Variants in NRG1 observed in about 807,000 individuals in gnomAD.
NRG1 encodes the protein neuregulin 1.
Under a neutral mutation model 63.8 loss-of-function variants are expected in NRG1, and 18 were observed. That is an observed-to-expected ratio of 0.28 (90% CI 0.19 to 0.42). The LOEUF is 0.42. Among genes scored for constraint, NRG1 ranks in the 10% least tolerant of loss-of-function variants. The pLI is 1.00. For missense variants in NRG1, 762 were observed against 814.7 expected, an observed-to-expected ratio of 0.94 and a Z score of 0.79; for synonymous variants, 302 against 301.3, an observed-to-expected ratio of 1.00 and a Z score of -0.02.
chr8:32,629,531 C>A (rs1423895871), intron 5 of NRG1, among the ~76,000 whole-genome samples: 1 of 152,044 alleles, frequency 6.6e-6, no homozygotes, highest in African/African-American at 2.4e-5. Flanking sequence ...GAAAAGAAAA[C>A]CACCTTCACT....
intron 1 of NRG1, among the ~76,000 whole-genome samples, chr8:32,369,369 A>T (rs756536548): frequency 1.2e-4 from 18 of 152,230 alleles, no homozygotes; most frequent in Non-Finnish European, 2.5e-4. Context: ...TGTTTGCCCC[A>T]TGGCATTTCT....
chr8:31,713,097 A>G (rs1811968024), intron 1 of NRG1, among the ~76,000 whole-genome samples: 1 of 147,432 alleles, frequency 6.8e-6, no homozygotes, highest in Non-Finnish European at 1.5e-5. Flanking sequence ...ACTCACTGCC[A>G]TACTCCTTCT....
intron 1 of NRG1, among the ~76,000 whole-genome samples, chr8:32,390,658 T>C (rs1206397978): frequency 6.6e-6 from 1 of 151,404 alleles, no homozygotes; most frequent in Admixed American, 6.6e-5. Flanking sequence ...CCTGATATAT[T>C]TAGGTTGAGA....
chr8:32,285,665 T>A (rs1853433469), intron 1 of NRG1, among the ~76,000 whole-genome samples: 1 of 152,210 alleles, frequency 6.6e-6, no homozygotes, highest in African/African-American at 2.4e-5. Flanking sequence ...GGGTGCTGAT[T>A]TTTGTTTCAT....
chr8:31,825,128 C>T (rs974747267), intron 1 of NRG1, among the ~76,000 whole-genome samples: 4 of 152,084 alleles, frequency 2.6e-5, no homozygotes, highest in Non-Finnish European at 4.4e-5. Context: ...ATGGTGGCTC[C>T]GCCTGTAATC....
intron 1 of NRG1, among the ~76,000 whole-genome samples, chr8:32,159,366 C>G (rs1838551579): frequency 6.6e-6 from 1 of 150,430 alleles, no homozygotes; most frequent in Non-Finnish European, 1.5e-5. Flanking sequence ...AACCCCGTCT[C>G]TACTAAAAAT....
At position 31,640,799 on chromosome 8, in the gene NRG1, G is replaced by A. The variant is rs932507336; in HGVS notation, c.37+1368G>A. 3.5e-6 allele frequency: 5 copies of A among 1,433,254 alleles called. No homozygotes were observed. In the East Asian group the frequency reaches 1.3e-4, roughly 39 times the overall value. 88.8% of individuals were successfully genotyped at this position (1,433,254 alleles called of 1,614,324 possible). A position where few individuals can be genotyped will look rare whatever the true frequency, so the allele number is the denominator to read the frequency against. ...CGCATCCCGGGCGCGCGGGCAGCGG[G>A]GCTCGACGGCCGCCCGAGCAAGGCA... is the stretch of plus-strand genomic sequence containing the variant. On this transcript the variant is annotated intron_variant, in intron 1 of 10. Transcript: ENST00000519301. The surrounding 1 kb of genome is among the most constrained non-coding windows in gnomAD (Gnocchi z 6.3).
chr8:32,509,085 TTATTTTATTTTA>T (rs1828877178), intron 1 of NRG1, among the ~76,000 whole-genome samples: 1 of 28,856 alleles, frequency 3.5e-5, no homozygotes, highest in Non-Finnish European at 6.8e-5. Context: ...CTATTTTATT[TTATTTTATTTTA>T]TATTTTATTT....
At chr8:31,995,596 G>T (rs1338817270) in intron 1 of NRG1, among the ~76,000 whole-genome samples, 2 of 151,900 alleles carry the variant, frequency 1.3e-5, no homozygotes, top group Non-Finnish European at 2.9e-5. Flanking sequence ...TGAAAGTGAG[G>T]ACCCTGGGTT....
chr8:31,731,870 A>C (rs928630239), intron 1 of NRG1, among the ~76,000 whole-genome samples: 1 of 152,198 alleles, frequency 6.6e-6, no homozygotes, highest in Non-Finnish European at 1.5e-5. Context: ...AAGACATCTA[A>C]TATGAGTCAT....
At chr8:31,840,498 G>A (rs1024375680) in intron 1 of NRG1, among the ~76,000 whole-genome samples, 13 of 151,986 alleles carry the variant, frequency 8.6e-5, no homozygotes, top group African/African-American at 1.5e-4. Flanking sequence ...TGTCTCTCAT[G>A]TTTTTATCCA....
At chr8:31,901,374 A>G (rs1832065433) in intron 1 of NRG1, among the ~76,000 whole-genome samples, 2 of 152,230 alleles carry the variant, frequency 1.3e-5, no homozygotes, top group African/African-American at 4.8e-5. Flanking sequence ...TTTCAATAGT[A>G]CACCAAACTA....
chr8:32,703,618 G>A (rs1815561411), intron 5 of NRG1, among the ~76,000 whole-genome samples: 1 of 151,924 alleles, frequency 6.6e-6, no homozygotes, highest in African/African-American at 2.4e-5. Context: ...AGAACACATT[G>A]GACTAGAAAC....
chr8:32,672,777 T>TAATA (rs34664328), intron 5 of NRG1, among the ~76,000 whole-genome samples: 3 of 152,028 alleles, frequency 2.0e-5, no homozygotes, highest in African/African-American at 7.3e-5. Context: ...TCAATAACAA[T>TAATA]ATAGTAATAA....
At chr8:32,618,542 A>T (rs1475026082) in intron 5 of NRG1, among the ~76,000 whole-genome samples, 1 of 152,152 alleles carries the variant, frequency 6.6e-6, no homozygotes, top group Non-Finnish European at 1.5e-5. Context: ...TTAGTTTTTG[A>T]TATTTGGCAA....
At chr8:31,728,673 A>G (rs1368463980) in intron 1 of NRG1, among the ~76,000 whole-genome samples, 1 of 152,164 alleles carries the variant, frequency 6.6e-6, no homozygotes, top group Non-Finnish European at 1.5e-5. Flanking sequence ...ACACAATTCA[A>G]TTTATGCCTT....
rs1252347915 is a variant in NRG1 at position 32,199,979 on chromosome 8, A to G, written c.38-395849A>G. 3.3e-5 allele frequency among the ~76,000 whole-genome samples: 5 copies of G among 152,176 alleles called. No individual in the cohort carries two copies. In the East Asian group the frequency reaches 9.7e-4, roughly 29 times the overall value. ...TTTTTTGTAGATACAGGATTTCACC[A>G]TGTTGGCCAGGCTGGTCTCAAACTC... On this transcript the variant is annotated intron_variant, in intron 1 of 10. Coordinates refer to the NRG1 transcript ENST00000519301.
intron 1 of NRG1, among the ~76,000 whole-genome samples, chr8:31,913,463 T>G (rs1833116034): frequency 6.6e-6 from 1 of 152,204 alleles, no homozygotes; most frequent in African/African-American, 2.4e-5. Context: ...TTAGAGAAGT[T>G]GAGGAGTTCG....
At chr8:32,453,968 A>G (rs1821296953) in intron 1 of NRG1, among the ~76,000 whole-genome samples, 1 of 152,152 alleles carries the variant, frequency 6.6e-6, no homozygotes. Context: ...AGGCTTTACA[A>G]ATTTTAGTTT....
Sources: gnomAD v4.1 joint callset for allele counts (sites outside exome capture counted in the v4.1 genomes callset) on GRCh38, gnomAD v4.1.1 for gene constraint, Gnocchi (gnomAD v3.1) non-coding constraint, MANE v1.5 for transcripts, NCBI Gene and HGNC (gene_info 2026-07-23, HGNC 2026-07-21) for gene names.